Variants in GRM5 observed in about 807,000 individuals in gnomAD.
The protein encoded by GRM5 is metabotropic glutamate receptor 5.
Under a neutral mutation model 83.1 loss-of-function variants are expected in GRM5, and 19 were observed. That is an observed-to-expected ratio of 0.23 (90% confidence interval 0.16 to 0.34). The LOEUF (loss-of-function observed/expected upper bound fraction) is 0.34, where lower values mean the gene tolerates loss of function less well. Ranked by LOEUF, GRM5 falls within the 10% of genes least tolerant of loss-of-function variation. The probability of loss-of-function intolerance (pLI) is 1.00; values close to 1 mark genes in which losing one functional copy is unlikely to be tolerated. For synonymous variants in GRM5, 675 were observed against 633.6 expected, an observed-to-expected ratio of 1.07 and a Z score of -0.98; for missense variants, 1,160 against 1,588.3, an observed-to-expected ratio of 0.73 and a Z score of 4.58.
At chr11:88,775,074 C>T (rs1181845911) in intron 3 of GRM5, among the ~76,000 whole-genome samples, 6 of 152,014 alleles carry the variant, frequency 3.9e-5, no homozygotes, top group Non-Finnish European at 7.4e-5. Flanking sequence ...TGGTCCTGGA[C>T]TTTTTTTGGT....
chr11:88,701,977 A>G (rs748028212), intron 3 of GRM5, among the ~76,000 whole-genome samples: 1 of 152,054 alleles, frequency 6.6e-6, no homozygotes, highest in Non-Finnish European at 1.5e-5. Flanking sequence ...CTATTCTAAC[A>G]TTAATGCTGG....
At chr11:88,564,960 G>T (rs1395458189) in intron 8 of GRM5, among the ~76,000 whole-genome samples, 1 of 152,048 alleles carries the variant, frequency 6.6e-6, no homozygotes, top group African/African-American at 2.4e-5. Context: ...TGTGTATTGG[G>T]TACAGTAACT....
Position 88,509,478 on chromosome 11 carries a change from G to T in GRM5, c.2753C>A (p.Ala918Asp). The change falls in exon 10 of 10, where the codon GCC becomes GAC. Residue 918 changes from alanine to aspartate, a missense_variant. Ala to Asp is a moderately radical substitution (Grantham distance 126, BLOSUM62 -2). This residue lies in a region of GRM5 where 562 missense variants were observed against 532.4 expected (regional missense o/e 1.06). Transcript: ENST00000305447. ...CCCCCGGCTGCTCTTCTCATTCTGG[G>T]CCCACGTGACGGATTTTCCATTGGA... ...SSSNGKSVTW[A>D]QNEKSSRGQH... 1.2e-6 allele frequency: 2 copies of T among 1,612,082 alleles called. No individual in the cohort carries two copies. The highest frequency in any genetic ancestry group is 1.7e-6 in the Non-Finnish European group (2 of 1,179,514).
chr11:89,002,742 T>C (rs1266403279), intron 2 of GRM5, among the ~76,000 whole-genome samples: 1 of 152,104 alleles, frequency 6.6e-6, no homozygotes. Context: ...ACCTCATCCT[T>C]CCGTTCAAAA....
chr11:88,540,137 T>G (rs1462415960), intron 8 of GRM5, among the ~76,000 whole-genome samples: 1 of 152,204 alleles, frequency 6.6e-6, no homozygotes, highest in African/African-American at 2.4e-5. Flanking sequence ...CTCCCCCTTC[T>G]ATCATACACA....
intron 3 of GRM5, among the ~76,000 whole-genome samples, chr11:88,794,435 G>A (rs1943236398): frequency 6.6e-6 from 1 of 152,154 alleles, no homozygotes; most frequent in South Asian, 2.1e-4. Context: ...TAGTCAGCCT[G>A]AAAAATTGGG....
Position 89,047,287 on chromosome 11 carries a change from C to T in GRM5, c.586G>A (p.Ala196Thr). Residue 196 changes from alanine to threonine, a missense_variant, in exon 2 of 10, where the codon GCT becomes ACT. This residue lies in a region of GRM5 where 84 missense variants were observed against 231.0 expected (regional missense o/e 0.36). Coordinates refer to ENST00000305447, the MANE Select transcript of GRM5 (RefSeq NM_001143831.3). This position sits in a 1 kb window ranked among gnomAD's most constrained non-coding sequence, Gnocchi z 5.1. ...KYFMRVVPSD[A>T]QQARAMVDIV... ...TCCACCATGGCCCTTGCCTGCTGAGCATCTGAAGGCACAACCCTCATGAAA... is the reference window on the plus strand; with the variant it reads ...TCCACCATGGCCCTTGCCTGCTGAGTATCTGAAGGCACAACCCTCATGAAA... 1 of 1,613,768 alleles carries T rather than the reference C, an allele frequency of 6.2e-7. No homozygotes were observed. The highest frequency in any genetic ancestry group is 8.5e-7 in the Non-Finnish European group (1 of 1,179,660).
rs994484167 is a variant in GRM5, at chr11:88,765,099, GATGAA to G, written c.911+84802_911+84806del. Among the ~76,000 whole-genome samples the G allele has an allele frequency of 2.6e-5, 4 of 151,446 alleles. No individual in the cohort carries two copies. The Admixed American group carries it at 2.6e-4, about 10-fold the overall frequency. ...TGTACAGTAACAATTTGATAACCTA[GATGAA>G]ATGAACAAATTCTTACAAACACACA... On this transcript the variant is annotated intron_variant, in intron 3 of 9. Transcript: ENST00000305447.
intron 3 of GRM5, among the ~76,000 whole-genome samples, chr11:88,821,483 C>T (rs1943794198): frequency 6.6e-6 from 1 of 151,962 alleles, no homozygotes; most frequent in Admixed American, 6.6e-5. Context: ...CACCTTCCTC[C>T]ATGATTTGTA....
At chr11:88,912,585 A>C (rs1312742303) in intron 2 of GRM5, among the ~76,000 whole-genome samples, 4 of 152,090 alleles carry the variant, frequency 2.6e-5, no homozygotes, top group African/African-American at 7.2e-5. Flanking sequence ...CATAATGAAG[A>C]ATAATATCTC....
intron 3 of GRM5, among the ~76,000 whole-genome samples, chr11:88,715,125 G>A (rs191331155): frequency 7.9e-5 from 12 of 152,100 alleles, no homozygotes; most frequent in Admixed American, 2.0e-4. Context: ...ATTATGCCTT[G>A]TAAATAAAAG....
At chr11:88,605,299 T>C (rs1591376785) in intron 4 of GRM5, among the ~76,000 whole-genome samples, 1 of 151,994 alleles carries the variant, frequency 6.6e-6, no homozygotes, top group Non-Finnish European at 1.5e-5. Context: ...TTCATTTCAT[T>C]AGTATGAGCT....
At chr11:89,025,753 C>T (rs545506894) in intron 2 of GRM5, among the ~76,000 whole-genome samples, 1 of 152,280 alleles carries the variant, frequency 6.6e-6, no homozygotes, top group Admixed American at 6.5e-5. Context: ...ATTTGTTTAG[C>T]TGCTATGCAA....
chr11:88,928,905 T>TAC (rs1433637376), intron 2 of GRM5, among the ~76,000 whole-genome samples: 1 of 71,522 alleles, frequency 1.4e-5, no homozygotes, highest in African/African-American at 4.1e-5. Context: ...TGTATGTGTA[T>TAC]ATACACACAC....
intron 4 of GRM5, among the ~76,000 whole-genome samples, chr11:88,625,049 C>T (rs1365638213): frequency 6.6e-6 from 1 of 152,092 alleles, no homozygotes; most frequent in Non-Finnish European, 1.5e-5. Flanking sequence ...AATTAAAATG[C>T]CTTATTATTC....
intron 2 of GRM5, among the ~76,000 whole-genome samples, chr11:88,995,824 TA>T (rs1374247871): frequency 2.0e-5 from 3 of 152,024 alleles, no homozygotes; most frequent in Admixed American, 1.3e-4. Context: ...AAATTCCAAA[TA>T]AAATATCTAC....
At chr11:89,054,355 G>A (rs551496013) in intron 1 of GRM5, among the ~76,000 whole-genome samples, 2 of 152,252 alleles carry the variant, frequency 1.3e-5, no homozygotes, top group Non-Finnish European at 2.9e-5. Context: ...GAGTCGCATC[G>A]GCTGTGGTGG....
At chr11:88,675,358 A>T (rs1181673909) in intron 3 of GRM5, among the ~76,000 whole-genome samples, 1 of 151,976 alleles carries the variant, frequency 6.6e-6, no homozygotes, top group African/African-American at 2.4e-5. Context: ...GGAGTGAGGC[A>T]ATTGTTAGAG....
chr11:88,980,636 C>T (rs1451197935), intron 2 of GRM5, among the ~76,000 whole-genome samples: 1 of 152,044 alleles, frequency 6.6e-6, no homozygotes, highest in Non-Finnish European at 1.5e-5. Flanking sequence ...TCCTGGCTAA[C>T]ATGGTGAGCC....
Sources: allele counts gnomAD v4.1 joint callset (sites outside exome capture counted in the v4.1 genomes callset), GRCh38; gene constraint gnomAD v4.1.1; regional missense constraint gnomAD v4.1.1; non-coding constraint Gnocchi (gnomAD v3.1); transcripts MANE v1.5; gene names NCBI Gene and HGNC (gene_info 2026-07-23, HGNC 2026-07-21).